Variants in SLC5A12 observed in about 807,000 individuals in gnomAD.
SLC5A12 encodes solute carrier family 5 member 12.
Under a neutral mutation model 72.7 loss-of-function variants are expected in SLC5A12, and 46 were observed. The observed-to-expected ratio is 0.63, with a 90% CI of 0.50 to 0.81. SLC5A12 has a LOEUF of 0.81. Ranked by LOEUF, SLC5A12 falls within the 30% of genes least tolerant of loss-of-function variation. The pLI, the probability that SLC5A12 is intolerant of heterozygous loss-of-function variation, is 0.00. For missense variants in SLC5A12, 683 were observed against 740.7 expected (o/e 0.92, Z 0.90); for synonymous variants, 275 against 264.4 (o/e 1.04, Z -0.39).
chr11:26,680,979 T>C (rs1481817673), intron 12 of SLC5A12, 76 bp downstream of exon 12: 6 of 1,324,248 alleles, frequency 4.5e-6, no homozygotes, highest in East Asian at 5.0e-5. Context: ...ATCACACTTA[T>C]CTCTGAAGAG....
At chr11:26,713,655 C>T (rs974263178) in intron 1 of SLC5A12, among the ~76,000 whole-genome samples, 1 of 152,050 alleles carries the variant, frequency 6.6e-6, no homozygotes, top group African/African-American at 2.4e-5. Flanking sequence ...TTATCAGTTG[C>T]TATCTTATAT....
At chr11:26,715,916 T>C (rs1031859208) in intron 1 of SLC5A12, among the ~76,000 whole-genome samples, 3 of 152,232 alleles carry the variant, frequency 2.0e-5, no homozygotes, top group African/African-American at 7.2e-5. Context: ...GGGGCCCATC[T>C]GAGCCAGGCA....
rs1046884734 is a variant in SLC5A12, at chr11:26,669,477, T to G, written c.*1625A>C. ...CAGATATTTCTCCAAATGTGACCCCTTTTGACCCTTTCCCTCTATTCCCAA... is the reference window on the plus strand; with the variant it reads ...CAGATATTTCTCCAAATGTGACCCCGTTTGACCCTTTCCCTCTATTCCCAA... On this transcript the variant is annotated 3_prime_UTR_variant, in exon 15 of 15. Transcript: ENST00000396005. The G allele has an allele frequency of 2.0e-5, 3 of 151,864 alleles. No homozygotes were observed. Among genetic ancestry groups the G allele is most frequent in the African/African-American group, 7.2e-5 (3 of 41,386 alleles). The allele number at this position is 151,864 out of a possible 1,614,324, so 9.4% of individuals were successfully genotyped here. A position where few individuals can be genotyped will look rare whatever the true frequency, so the allele number is the denominator to read the frequency against.
chr11:26,678,673 A>G (rs982785505), intron 13 of SLC5A12, 39 bp downstream of exon 13: 11 of 1,460,812 alleles, frequency 7.5e-6, no homozygotes, highest in East Asian at 2.3e-5. Context: ...GCATGAGCCC[A>G]TATCTTCTTT....
chr11:26,695,116 T>C (rs1854778331), intron 8 of SLC5A12, among the ~76,000 whole-genome samples: 1 of 151,898 alleles, frequency 6.6e-6, no homozygotes, highest in Non-Finnish European at 1.5e-5. Context: ...CCCCTAGATA[T>C]CAGGAAAATT....
intron 1 of SLC5A12, among the ~76,000 whole-genome samples, chr11:26,713,216 T>C (rs368382904): frequency 1.3e-5 from 2 of 152,102 alleles, no homozygotes; most frequent in Non-Finnish European, 1.5e-5. Flanking sequence ...CAATTCTCTA[T>C]CATTGACAAA....
At chr11:26,704,022 A>G (rs1454585044) in intron 4 of SLC5A12, 75 bp from the exon 5 acceptor site, 5 of 1,490,126 alleles carry the variant, frequency 3.4e-6, no homozygotes, top group Non-Finnish European at 4.6e-6. Flanking sequence ...CCTCTCTGCT[A>G]ATGCATGCAT....
chr11:26,692,753 T>C, intron 8 of SLC5A12, 152 bp from the exon 9 acceptor site: 1 of 590,410 alleles, frequency 1.7e-6, no homozygotes, highest in Non-Finnish European at 3.0e-6. Context: ...GGGAACTATA[T>C]GGCCTCTTTA....
chr11:26,678,728 G>C lies in SLC5A12; in HGVS notation c.1563C>G (p.Ile521Met). ...ATAACCAACCTGTTATGAGGCTGAT[G>C]ATTACTCCAGCAACAATGCATCCTA... Reference protein sequence around the residue: ...GCLGCIVAGVIISLITGRQRG... With the variant: ...GCLGCIVAGVMISLITGRQRG... The change falls in exon 13 of 15, where the codon ATC becomes ATG. Residue 521 changes from isoleucine to methionine, a missense_variant. By Grantham distance (10) the Ile-to-Met change is conservative. Transcript: ENST00000396005. 6.2e-7 allele frequency: 1 copy of C among 1,612,646 alleles called. No individual in the cohort carries two copies. The highest frequency in any genetic ancestry group is 2.2e-5 in the East Asian group (1 of 44,828).
chr11:26,692,647 G>A (rs755123855), intron 8 of SLC5A12, 46 bp from the exon 9 acceptor site: 86 of 1,374,282 alleles, frequency 6.3e-5, no homozygotes, highest in Non-Finnish European at 6.9e-5. Context: ...TATATAAGGC[G>A]GAGCTACCAG....
intron 9 of SLC5A12, among the ~76,000 whole-genome samples, chr11:26,687,564 T>G (rs531481857): frequency 6.6e-6 from 1 of 152,362 alleles, no homozygotes; most frequent in African/African-American, 2.4e-5. Flanking sequence ...AGGAAGAAAC[T>G]GCTTGCAAAT....
chr11:26,682,429 GGAGA>G (rs1854431477), intron 11 of SLC5A12, among the ~76,000 whole-genome samples: 1 of 152,098 alleles, frequency 6.6e-6, no homozygotes, highest in Non-Finnish European at 1.5e-5. Flanking sequence ...ATGGCTAGCT[GGAGA>G]GCCATGTTGA....
chr11:26,675,161 G>T, intron 13 of SLC5A12, among the ~76,000 whole-genome samples: 1 of 152,236 alleles, frequency 6.6e-6, no homozygotes, highest in Middle Eastern at 3.4e-3. Flanking sequence ...GTCTCTGAAT[G>T]AACCACAAAA....
At position 26,671,755 on chromosome 11, in the gene SLC5A12, T is replaced by C. The variant is rs573645279; in HGVS notation, c.1708-504A>G. 7.2e-5 allele frequency among the ~76,000 whole-genome samples: 11 copies of C among 152,278 alleles called. No homozygotes were observed. In the South Asian group the frequency reaches 2.3e-3, roughly 32 times the overall value. ...TCAACTTATCCTTGAGAACAGAAGC[T>C]GGCTGCCTGCATTAATTAAGTTTAT... On this transcript the variant is annotated intron_variant, in intron 14 of 14. Coordinates refer to ENST00000396005, the MANE Select transcript of SLC5A12 (RefSeq NM_178498.4).
intron 3 of SLC5A12, among the ~76,000 whole-genome samples, chr11:26,710,966 C>A (rs913326218): frequency 5.9e-5 from 9 of 151,964 alleles, no homozygotes; most frequent in African/African-American, 2.2e-4. Context: ...CATGAGATTA[C>A]TGAAGTCCCT....
In SLC5A12 at chr11:26,692,562, G is replaced by A. The variant is rs781289657; in HGVS notation, c.1080C>T (p.Thr360=). The A allele has an allele frequency of 6.2e-7, 1 of 1,614,058 alleles. No individual in the cohort carries two copies. Among genetic ancestry groups the A allele is most frequent in the Non-Finnish European group, 8.5e-7 (1 of 1,179,946 alleles). Residue 360 remains threonine, a synonymous_variant, in exon 9 of 15, where the codon ACC becomes ACT. Transcript: ENST00000396005. The part of the protein sequence containing the change: ...ASSINALATV[T]FEDFVKSCFP... ...AACAGCTCTTGACAAAATCCTCAAA[G>A]GTCACTGTTGCCAAGGCATTGATGC...
chr11:26,695,739 G>A (rs751261628), intron 8 of SLC5A12, among the ~76,000 whole-genome samples: 21 of 152,022 alleles, frequency 1.4e-4, no homozygotes, highest in Non-Finnish European at 1.8e-4. Context: ...TCACTCCCTT[G>A]GTTTCGAACC....
intron 9 of SLC5A12, among the ~76,000 whole-genome samples, chr11:26,688,483 T>C (rs1481495550): frequency 6.6e-6 from 1 of 152,192 alleles, no homozygotes; most frequent in Non-Finnish European, 1.5e-5. Flanking sequence ...TGGTCAACAT[T>C]CCTCTCTTCT....
intron 6 of SLC5A12, among the ~76,000 whole-genome samples, chr11:26,701,213 T>G (rs1854950720): frequency 6.6e-6 from 1 of 152,194 alleles, no homozygotes; most frequent in Non-Finnish European, 1.5e-5. Context: ...ACCAAACATC[T>G]GAACTGATTT....
Sources: allele counts gnomAD v4.1 joint callset (sites outside exome capture counted in the v4.1 genomes callset), GRCh38; gene constraint gnomAD v4.1.1; transcripts MANE v1.5; gene names NCBI Gene and HGNC (gene_info 2026-07-23, HGNC 2026-07-21).